The following SPOCK2 variants were observed in gnomAD, a reference collection of about 807,000 sequenced individuals.
SPOCK2 encodes the protein SPARC (osteonectin), cwcv and kazal like domains proteoglycan 2, also known as testican-2.
A neutral mutation model predicts 60.1 loss-of-function variants in SPOCK2; 39 were observed. That is an observed-to-expected ratio of 0.65 (90% CI 0.50 to 0.85). The LOEUF (loss-of-function observed/expected upper bound fraction) is 0.85, where lower values mean the gene tolerates loss of function less well. SPOCK2 is among the 40% of genes least tolerant of loss of function. The pLI, the probability that SPOCK2 is intolerant of heterozygous loss-of-function variation, is 0.00. For missense variants in SPOCK2, 523 were observed against 567.4 expected (o/e 0.92, Z 0.80); for synonymous variants, 217 against 231.5 (o/e 0.94, Z 0.57).
intron 1 of SPOCK2, chr10:72,086,400 T>C (rs112039131): frequency 4.0e-6 from 4 of 1,000,320 alleles, no homozygotes; most frequent in Admixed American, 5.4e-5. Flanking sequence ...GGGAGGAATC[T>C]TTTATTTTAA....
At chr10:72,063,939 A>G (rs1840531210) in intron 9 of SPOCK2, among the ~76,000 whole-genome samples, 1 of 152,240 alleles carries the variant, frequency 6.6e-6, no homozygotes. Context: ...CTCTAGCTCC[A>G]GCATGGATGG....
intron 1 of SPOCK2, among the ~76,000 whole-genome samples, chr10:72,078,325 A>G (rs960386121): frequency 6.6e-6 from 1 of 152,036 alleles, no homozygotes; most frequent in Admixed American, 6.6e-5. Context: ...CACCCTGGAT[A>G]ACACGGTAAA....
chr10:72,088,166 TC>T lies in SPOCK2; in HGVS notation c.162del (p.Ile55SerfsTer39). 6.2e-7 allele frequency: 1 copy of T among 1,613,022 alleles called. No individual in the cohort carries two copies. Among genetic ancestry groups the T allele is most frequent in the South Asian group, 1.1e-5 (1 of 91,068 alleles). On this transcript the variant is annotated frameshift_variant, in exon 1 of 11. Transcript: ENST00000373109. LOFTEE classifies it high-confidence loss of function. ...WLSSISQYSG[K>X]IKHWNRFRDE... ...TCTCGGAAGCGGTTCCAGTGCTTGA[TC>T]TTGCCGCTGTACTGCGAGATGGACG...
At chr10:72,086,850 C>G in intron 1 of SPOCK2, 1 of 1,547,648 alleles carries the variant, frequency 6.5e-7, no homozygotes, top group South Asian at 1.2e-5. Context: ...TCTGCCTCTT[C>G]CCATCACTTG....
At chr10:72,063,699 G>A (rs1177630929) in intron 9 of SPOCK2, among the ~76,000 whole-genome samples, 2 of 152,174 alleles carry the variant, frequency 1.3e-5, no homozygotes, top group East Asian at 1.9e-4. Flanking sequence ...GTGTGTTTCC[G>A]GACTGGCCCG....
rs1036562156 is a variant in SPOCK2, at chr10:72,087,764, G to A, written c.189+376C>T. Among the ~76,000 whole-genome samples, 1 of 152,168 alleles carries A rather than the reference G, an allele frequency of 6.6e-6. No homozygotes were observed. Among genetic ancestry groups the A allele is most frequent in the Non-Finnish European group, 1.5e-5 (1 of 68,020 alleles). ...GCATCCCAGCGGCTGGGGCAGGCCC[G>A]GGGGCGGCTCGCACAACGCAGCTGG... On this transcript the variant is annotated intron_variant, in intron 1 of 10. Coordinates refer to ENST00000373109, the MANE Select transcript of SPOCK2 (RefSeq NM_001244950.2). The surrounding 1 kb of genome is among the most constrained non-coding windows in gnomAD (Gnocchi z 4.7).
chr10:72,063,298 C>T lies in SPOCK2; in HGVS notation c.992-136G>A. 4.7e-6 allele frequency: 6 copies of T among 1,275,948 alleles called. 1 individual carries two copies. The highest frequency in any genetic ancestry group is 4.5e-5 in the South Asian group (3 of 67,262). 79.0% of individuals were successfully genotyped at this position (1,275,948 alleles called of 1,614,324 possible). ...CCCAGCCAGACCGGGTGCTGACCCC[C>T]CAACAGGCCCAGATGCTGAGAGCTG... On this transcript the variant is annotated intron_variant, in intron 9 of 10. Transcript: ENST00000373109.
At chr10:72,077,037 C>G (rs1382692530) in intron 1 of SPOCK2, among the ~76,000 whole-genome samples, 2 of 152,194 alleles carry the variant, frequency 1.3e-5, no homozygotes, top group African/African-American at 4.8e-5. Flanking sequence ...CAGCCTGGCC[C>G]ACGGTGTGTC....
chr10:72,087,265 C>CG lies in SPOCK2; in HGVS notation c.189+874dup, dbSNP rs1840872467. 6.6e-6 allele frequency among the ~76,000 whole-genome samples: 1 copy of CG among 152,050 alleles called. No individual in the cohort carries two copies. Among genetic ancestry groups the CG allele is most frequent in the Non-Finnish European group, 1.5e-5 (1 of 68,002 alleles). ...GACTTCCCCTCTGATCCACAGGTGC[C>CG]GGTAAACAAAAGTGCCGCAGCTACC... On this transcript the variant is annotated intron_variant, in intron 1 of 10. Transcript: ENST00000373109. The surrounding 1 kb of genome is among the most constrained non-coding windows in gnomAD (Gnocchi z 4.7).
chr10:72,063,301 A>C, intron 9 of SPOCK2, 139 bp from the exon 10 acceptor site: 34 of 1,229,554 alleles, frequency 2.8e-5, no homozygotes, highest in Non-Finnish European at 3.2e-5. Flanking sequence ...TGACCCCCCA[A>C]CAGGCCCAGA....
At position 72,062,732 on chromosome 10, in the gene SPOCK2, C is replaced by T. The variant is rs541826991; in HGVS notation, c.*28G>A. 6.3e-7 allele frequency: 1 copy of T among 1,587,460 alleles called. No individual in the cohort carries two copies. The highest frequency in any genetic ancestry group is 8.5e-7 in the Non-Finnish European group (1 of 1,173,830). On this transcript the variant is annotated 3_prime_UTR_variant, in exon 11 of 11. Coordinates refer to ENST00000373109, the MANE Select transcript of SPOCK2 (RefSeq NM_001244950.2). The surrounding 1 kb of genome is among the most constrained non-coding windows in gnomAD (Gnocchi z 4.3). ...CTGCTCAGAGCTCTGCTGTTGAGTC[C>T]CCCCCGGCAGCCGGCTCCTGAGGGC...
intron 1 of SPOCK2, 114 bp downstream of exon 1, chr10:72,088,026 G>T (rs1840886636): frequency 7.6e-7 from 1 of 1,320,616 alleles, no homozygotes; most frequent in Non-Finnish European, 1.1e-6. Flanking sequence ...TAATTAGCCG[G>T]CCAGGCTGCG....
At chr10:72,088,593 A>C, upstream of SPOCK2, 2 of 415,806 alleles carry the variant, frequency 4.8e-6, no homozygotes, top group South Asian at 1.1e-4. Flanking sequence ...TAGCATCAGC[A>C]TCACGTTTGA....
chr10:72,065,874 G>C (rs1840560873), intron 8 of SPOCK2, among the ~76,000 whole-genome samples: 2 of 152,232 alleles, frequency 1.3e-5, no homozygotes, highest in Non-Finnish European at 2.9e-5. Flanking sequence ...TCCAAGATAG[G>C]TATTGTTATT....
At chr10:72,082,124 T>C (rs1840793540) in intron 1 of SPOCK2, among the ~76,000 whole-genome samples, 1 of 152,172 alleles carries the variant, frequency 6.6e-6, no homozygotes, top group Admixed American at 6.5e-5. Context: ...GCAGTGTAAG[T>C]GATGCTATGA....
chr10:72,072,733 C>T (rs1288190533), intron 2 of SPOCK2, 169 bp downstream of exon 2: 2 of 1,353,122 alleles, frequency 1.5e-6, no homozygotes, highest in African/African-American at 1.4e-5. Flanking sequence ...TCCCTATAAA[C>T]CCATGTCCAG....
intron 1 of SPOCK2, among the ~76,000 whole-genome samples, chr10:72,075,400 G>A (rs1245567): frequency 0.6 from 90,871 of 151,732 alleles, 27,824 homozygotes; most frequent in African/African-American, 0.74. Context: ...TAACCCACCT[G>A]CCCCAGAGTG....
rs559220649 is a variant in SPOCK2 at position 72,077,012 on chromosome 10, C to T, written c.190-4102G>A. ...GAGAGGACATAGAAGGGGCACTGGA[C>T]CAGGAGTCCACTTTCAGCCTGGCCC... On this transcript the variant is annotated intron_variant, in intron 1 of 10. Transcript: ENST00000373109. Among the ~76,000 whole-genome samples, 758 of 152,324 alleles carry T rather than the reference C, an allele frequency of 5.0e-3. 9 individuals carry two copies. Among genetic ancestry groups the T allele is most frequent in the Non-Finnish European group, 8.4e-3 (568 of 68,022 alleles).
At chr10:72,084,427 G>C (rs1211742193) in intron 1 of SPOCK2, among the ~76,000 whole-genome samples, 3 of 152,344 alleles carry the variant, frequency 2.0e-5, no homozygotes, top group African/African-American at 4.8e-5. Flanking sequence ...CTGCACCCCG[G>C]CCCCTCCTGG....
Sources: gnomAD v4.1 joint callset for allele counts (sites outside exome capture counted in the v4.1 genomes callset) on GRCh38, gnomAD v4.1.1 for gene constraint, Gnocchi (gnomAD v3.1) non-coding constraint, MANE v1.5 for transcripts, NCBI Gene and HGNC (gene_info 2026-07-23, HGNC 2026-07-21) for gene names.